The following PCDHGB2 variants were observed in gnomAD, a reference collection of about 807,000 sequenced individuals.
The protein encoded by PCDHGB2 is protocadherin gamma subfamily B, 2.
PCDHGB2 carries 55 observed loss-of-function variants against 59.3 expected under a neutral mutation model. That is an observed-to-expected ratio of 0.93 (90% CI 0.75 to 1.16). The LOEUF is 1.16. Among genes scored for constraint, PCDHGB2 ranks in the 50% most tolerant of loss-of-function variants. The pLI is 0.00. For missense variants in PCDHGB2, 1,228 were observed against 1,198.5 expected (o/e 1.02, Z -0.36); for synonymous variants, 516 against 512.0 (o/e 1.01, Z -0.11).
At chr5:141,369,414 C>T (rs1245319622) in intron 1 of PCDHGB2, among the ~76,000 whole-genome samples, 1 of 152,114 alleles carries the variant, frequency 6.6e-6, no homozygotes, top group African/African-American at 2.4e-5. Context: ...TGACTATAAT[C>T]CCAGCAATTT....
chr5:141,486,561 T>C lies in PCDHGB2; in HGVS notation c.2422-8246T>C. ...TTCTTTCAGAGGTCACATGAGGTGT[T>C]TGTTCCTGAGAACAATCGCCCAGGG... On this transcript the variant is annotated intron_variant, in intron 1 of 3. Transcript: ENST00000522605. This position sits in a 1 kb window ranked among gnomAD's most constrained non-coding sequence, Gnocchi z 5.0. 6.2e-7 allele frequency: 1 copy of C among 1,614,076 alleles called. No individual in the cohort carries two copies. Among genetic ancestry groups the C allele is most frequent in the Non-Finnish European group, 8.5e-7 (1 of 1,180,030 alleles).
intron 1 of PCDHGB2, among the ~76,000 whole-genome samples, chr5:141,483,203 A>T (rs940487337): frequency 1.3e-5 from 2 of 152,204 alleles, no homozygotes; most frequent in African/African-American, 2.4e-5. Flanking sequence ...ATTTTATTCC[A>T]TATAGATGAC....
intron 1 of PCDHGB2, among the ~76,000 whole-genome samples, chr5:141,363,702 G>T (rs185509758): frequency 3.9e-5 from 6 of 152,286 alleles, no homozygotes; most frequent in African/African-American, 1.4e-4. Context: ...AAATCAGTAG[G>T]CCTGTTTGGA....
Position 141,489,585 on chromosome 5 carries a change from G to C in PCDHGB2, c.2422-5222G>C. The C allele has an allele frequency of 6.2e-7, 1 of 1,614,090 alleles. No individual in the cohort carries two copies. On this transcript the variant is annotated intron_variant, in intron 1 of 3. Transcript: ENST00000522605. This position sits in a 1 kb window ranked among gnomAD's most constrained non-coding sequence, Gnocchi z 4.5. ...AGGTGGTGACTGAACACCCCCTGGA[G>C]CTAATCCGTGTAGAGGTAGAGATCC...
intron 1 of PCDHGB2, chr5:141,364,893 G>T (rs750465493): frequency 1.2e-6 from 2 of 1,613,968 alleles, no homozygotes; most frequent in Admixed American, 3.3e-5. Flanking sequence ...GGAACTGATG[G>T]ACAAAAGTAT....
Position 141,393,949 on chromosome 5 carries a change from A to G in PCDHGB2, c.2421+31393A>G, listed in dbSNP as rs370166968. 2.5e-6 allele frequency: 4 copies of G among 1,613,874 alleles called. No individual in the cohort carries two copies. The highest frequency in any genetic ancestry group is 3.4e-6 in the Non-Finnish European group (4 of 1,179,890). Reference sequence around the variant, plus strand: ...GTGCATGACCAAGACTCTGGAAAGAATGGTCAAGTTGTCTGTTACACACGT... The same window carrying G: ...GTGCATGACCAAGACTCTGGAAAGAGTGGTCAAGTTGTCTGTTACACACGT... On this transcript the variant is annotated intron_variant, in intron 1 of 3. Coordinates refer to ENST00000522605, the MANE Select transcript of PCDHGB2 (RefSeq NM_018923.3).
rs567061101 is a variant in PCDHGB2 at position 141,432,791 on chromosome 5, C to T, written c.2422-62016C>T. The T allele has an allele frequency of 2.7e-5, 44 of 1,614,064 alleles. No homozygotes were observed. Among genetic ancestry groups the T allele is most frequent in the Admixed American group, 8.3e-5 (5 of 60,034 alleles). On this transcript the variant is annotated intron_variant, in intron 1 of 3. Coordinates refer to ENST00000522605, the MANE Select transcript of PCDHGB2 (RefSeq NM_018923.3). The surrounding 1 kb of genome is among the most constrained non-coding windows in gnomAD (Gnocchi z 6.0). ...CCAAGTCCTGGCGGACCTCGGCAGC[C>T]TCGAGTCTCCAGCTAACTCTGAAAC... is the stretch of plus-strand genomic sequence containing the variant.
chr5:141,364,913 G>A (rs1337882112), intron 1 of PCDHGB2: 2 of 1,613,990 alleles, frequency 1.2e-6, no homozygotes, highest in South Asian at 2.2e-5. Context: ...TCCGGAGCTG[G>A]TGTTGGAACA....
In PCDHGB2 at chr5:141,462,600, A is replaced by G. The variant is rs2154567827; in HGVS notation, c.2422-32207A>G. ...ATCCAGTGAAGTTTCCATTTCATAT[A>G]TTGTATTTTTCACTTTTAGAAGTTC... is the stretch of plus-strand genomic sequence containing the variant. On this transcript the variant is annotated intron_variant, in intron 1 of 3. Coordinates refer to ENST00000522605, the MANE Select transcript of PCDHGB2 (RefSeq NM_018923.3). Among the ~76,000 whole-genome samples, 6 of 152,076 alleles carry G rather than the reference A, an allele frequency of 3.9e-5. No homozygotes were observed. In the Middle Eastern group the frequency reaches 0.014, roughly 345 times the overall value.
At chr5:141,404,530 A>C in intron 1 of PCDHGB2, 1 of 1,614,008 alleles carries the variant, frequency 6.2e-7, no homozygotes, top group Non-Finnish European at 8.5e-7. Flanking sequence ...AGCAGTTTAG[A>C]GATTTGCAAA....
intron 1 of PCDHGB2, among the ~76,000 whole-genome samples, chr5:141,453,135 A>G (rs932061368): frequency 6.6e-6 from 1 of 151,778 alleles, no homozygotes; most frequent in Non-Finnish European, 1.5e-5. Context: ...TGTTTTTGAG[A>G]TAGGGTCTCG....
At position 141,366,307 on chromosome 5, in the gene PCDHGB2, G is replaced by A. The variant is rs539472764; in HGVS notation, c.2421+3751G>A. 6.3e-5 allele frequency: 101 copies of A among 1,613,748 alleles called. 2 individuals carry two copies. In the South Asian group the frequency reaches 9.7e-4, roughly 15 times the overall value. On this transcript the variant is annotated intron_variant, in intron 1 of 3. Coordinates refer to ENST00000522605, the MANE Select transcript of PCDHGB2 (RefSeq NM_018923.3). ...AGCCCCCTCTGTCAGCCACCTTCAC[G>A]GTCACCGTTGCCGTGGCCGACAGGA...
chr5:141,400,439 C>T, intron 1 of PCDHGB2: 1 of 1,614,056 alleles, frequency 6.2e-7, no homozygotes. Context: ...CAATTGAGTT[C>T]AGGACAAGAC....
In PCDHGB2 at chr5:141,422,509, C is replaced by G. The variant is rs1249006816; in HGVS notation, c.2421+59953C>G. On this transcript the variant is annotated intron_variant, in intron 1 of 3. Coordinates refer to ENST00000522605, the MANE Select transcript of PCDHGB2 (RefSeq NM_018923.3). ...CAATATAACGTTGACAGCCACAGAC[C>G]AGGGAAGCCCGCCTTTGTCTGCAGA... The G allele has an allele frequency of 1.9e-6, 3 of 1,613,836 alleles. No homozygotes were observed. In the South Asian group the frequency reaches 3.3e-5, roughly 18 times the overall value.
At chr5:141,371,053 C>T (rs749864646) in intron 1 of PCDHGB2, 2 of 1,613,924 alleles carry the variant, frequency 1.2e-6, no homozygotes, top group Non-Finnish European at 1.7e-6. Flanking sequence ...GGGGGCGAGC[C>T]CTCCAGAAGC....
rs761590469 is a variant in PCDHGB2, at chr5:141,364,617, G to A, written c.2421+2061G>A. 3.1e-6 allele frequency: 5 copies of A among 1,614,158 alleles called. No individual in the cohort carries two copies. The Admixed American group carries it at 8.3e-5, about 27-fold the overall frequency. The stretch of plus-strand genomic sequence containing the variant: ...GGCAGGATAGACCGGGAGGAGCTCT[G>A]CGCTCAGAGCCCACTGTGTGTGGTG... On this transcript the variant is annotated intron_variant, in intron 1 of 3. Coordinates refer to ENST00000522605, the MANE Select transcript of PCDHGB2 (RefSeq NM_018923.3).
chr5:141,381,852 A>T (rs1777673646), intron 1 of PCDHGB2, among the ~76,000 whole-genome samples: 2 of 41,770 alleles, frequency 4.8e-5, no homozygotes, highest in African/African-American at 1.3e-4. Flanking sequence ...TTTTTTTGGC[A>T]GAGTTTTGCT....
chr5:141,380,795 A>C (rs1776743298), intron 1 of PCDHGB2, among the ~76,000 whole-genome samples: 1 of 152,246 alleles, frequency 6.6e-6, no homozygotes, highest in African/African-American at 2.4e-5. Context: ...GTAGAATAAG[A>C]AACAAATGTG....
At chr5:141,435,054 C>A (rs891988253) in intron 1 of PCDHGB2, among the ~76,000 whole-genome samples, 7 of 151,964 alleles carry the variant, frequency 4.6e-5, no homozygotes, top group Admixed American at 1.3e-4. Context: ...ATTGACCATG[C>A]AGCAGTTTTG....
Sources: allele counts gnomAD v4.1 joint callset (sites outside exome capture counted in the v4.1 genomes callset), GRCh38; gene constraint gnomAD v4.1.1; non-coding constraint Gnocchi (gnomAD v3.1); transcripts MANE v1.5; gene names NCBI Gene and HGNC (gene_info 2026-07-23, HGNC 2026-07-21).